PARN: variants seen among roughly 807,000 people sequenced by gnomAD.
The protein encoded by PARN is poly(A)-specific ribonuclease PARN.
A neutral mutation model predicts 102.8 loss-of-function variants in PARN; 71 were observed. The observed-to-expected ratio is 0.69, with a 90% CI of 0.57 to 0.84. PARN has a LOEUF of 0.84. Ranked by LOEUF, PARN falls within the 40% of genes least tolerant of loss-of-function variation. The probability of loss-of-function intolerance (pLI) is 0.00; values close to 1 mark genes in which losing one functional copy is unlikely to be tolerated. For synonymous variants in PARN, 261 were observed against 252.9 expected (o/e 1.03, Z -0.30); for missense variants, 782 against 760.9 (o/e 1.03, Z -0.33).
intron 20 of PARN, among the ~76,000 whole-genome samples, chr16:14,553,111 TA>T (rs987499660): frequency 6.7e-6 from 1 of 148,486 alleles, no homozygotes; most frequent in Non-Finnish European, 1.5e-5. Context: ...AATATCAATT[TA>T]AAAAAAAAGA....
chr16:14,523,862 T>C (rs561830204), intron 21 of PARN, among the ~76,000 whole-genome samples: 1 of 152,158 alleles, frequency 6.6e-6, no homozygotes, highest in South Asian at 2.1e-4. Flanking sequence ...AATGCATTGC[T>C]GTGTGAACAC....
chr16:14,605,722 G>A (rs1254526682), intron 10 of PARN, among the ~76,000 whole-genome samples: 1 of 152,048 alleles, frequency 6.6e-6, no homozygotes, highest in African/African-American at 2.4e-5. Context: ...AAAAACTGCA[G>A]AAGGAACCCA....
At chr16:14,498,372 C>T (rs2151620868) in intron 21 of PARN, among the ~76,000 whole-genome samples, 1 of 152,180 alleles carries the variant, frequency 6.6e-6, no homozygotes, top group South Asian at 2.1e-4. Context: ...GTAAATGGGA[C>T]AATTTTGTCT....
At chr16:14,482,908 A>C in intron 21 of PARN, 81 bp from the exon 22 acceptor site, 1 of 1,179,856 alleles carries the variant, frequency 8.5e-7, no homozygotes, top group South Asian at 1.6e-5. Flanking sequence ...AATGTGGCCT[A>C]AGGTGGTCAA....
At chr16:14,498,608 C>T (rs953109658) in intron 21 of PARN, among the ~76,000 whole-genome samples, 10 of 152,080 alleles carry the variant, frequency 6.6e-5, no homozygotes, top group African/African-American at 2.4e-4. Context: ...AATGCCAACA[C>T]CACCTCCTTG....
intron 21 of PARN, among the ~76,000 whole-genome samples, chr16:14,485,259 A>T (rs1028218086): frequency 6.6e-6 from 1 of 152,182 alleles, no homozygotes; most frequent in Non-Finnish European, 1.5e-5. Context: ...TGAAAATCTT[A>T]TTCCTTGGAA....
At chr16:14,560,379 G>A (rs913968580) in intron 18 of PARN, among the ~76,000 whole-genome samples, 4 of 152,344 alleles carry the variant, frequency 2.6e-5, no homozygotes, top group African/African-American at 9.6e-5. Flanking sequence ...CCTCAAGACT[G>A]CGTGCGGGTA....
In PARN at chr16:14,583,017, T is replaced by TA. The variant is rs1298530517; in HGVS notation, c.1082-727dup. Among the ~76,000 whole-genome samples the TA allele has an allele frequency of 4.6e-5, 7 of 152,246 alleles. 1 individual carries two copies. The highest frequency in any genetic ancestry group is 1.7e-4 in the African/African-American group (7 of 41,564). On this transcript the variant is annotated intron_variant, in intron 16 of 23. Coordinates refer to ENST00000437198, the MANE Select transcript of PARN (RefSeq NM_002582.4). ...CTGTCCTCTACTATGTTCCCAAGCTTAGAGATCGAAAGGTGACAGCACAAC... is the reference window on the plus strand; with the variant it reads ...CTGTCCTCTACTATGTTCCCAAGCTTAAGAGATCGAAAGGTGACAGCACAAC...
intron 22 of PARN, among the ~76,000 whole-genome samples, chr16:14,450,222 T>C (rs1179562079): frequency 6.6e-6 from 1 of 152,228 alleles, no homozygotes; most frequent in Non-Finnish European, 1.5e-5. Context: ...GAACAACTTA[T>C]GAAGCTGGTA....
intron 21 of PARN, among the ~76,000 whole-genome samples, chr16:14,520,412 A>G (rs1965677048): frequency 6.6e-6 from 1 of 152,184 alleles, no homozygotes; most frequent in African/African-American, 2.4e-5. Flanking sequence ...GAGCAATACT[A>G]ATATTGTACC....
chr16:14,628,338 C>A, intron 2 of PARN, 87 bp from the exon 3 acceptor site: 2 of 732,418 alleles, frequency 2.7e-6, no homozygotes, highest in South Asian at 3.3e-5. Context: ...TCTATAATGT[C>A]GTATCACGAA....
intron 16 of PARN, 44 bp downstream of exon 16, chr16:14,584,303 A>C: frequency 7.6e-7 from 1 of 1,317,402 alleles, no homozygotes; most frequent in Non-Finnish European, 1.1e-6. Context: ...TACATCAATA[A>C]TTATTACAAA....
At chr16:14,463,116 G>A (rs555477684) in intron 22 of PARN, among the ~76,000 whole-genome samples, 5 of 152,290 alleles carry the variant, frequency 3.3e-5, no homozygotes, top group Non-Finnish European at 7.4e-5. Flanking sequence ...TGAGAACAAC[G>A]CCTGTTCCCA....
At chr16:14,459,512 CAAAG>C (rs1961852562) in intron 22 of PARN, among the ~76,000 whole-genome samples, 1 of 151,998 alleles carries the variant, frequency 6.6e-6, no homozygotes, top group African/African-American at 2.4e-5. Flanking sequence ...TGAGAGAAAT[CAAAG>C]AAAGCCCAAG....
chr16:14,619,670 A>G (rs1449225397), intron 5 of PARN, among the ~76,000 whole-genome samples: 1 of 151,942 alleles, frequency 6.6e-6, no homozygotes, highest in Non-Finnish European at 1.5e-5. Flanking sequence ...CTGAGGTGGG[A>G]GAATCAGAAA....
chr16:14,547,867 C>T (rs978337567), intron 21 of PARN, among the ~76,000 whole-genome samples: 9 of 152,082 alleles, frequency 5.9e-5, no homozygotes, highest in African/African-American at 2.2e-4. Flanking sequence ...TATAAATAGG[C>T]ATTTAATGAT....
chr16:14,541,937 T>C (rs966742888), intron 21 of PARN, among the ~76,000 whole-genome samples: 1 of 152,198 alleles, frequency 6.6e-6, no homozygotes, highest in Non-Finnish European at 1.5e-5. Context: ...ACATGACCCA[T>C]TCTCAAGGGA....
At position 14,629,690 on chromosome 16, in the gene PARN, A is replaced by C. The variant is rs1333926333; in HGVS notation, c.20-16T>G. On this transcript the variant is annotated splice_polypyrimidine_tract_variant and intron_variant, in intron 1 of 23. Transcript: ENST00000437198. ...CTCTTAAAATCTGCGGAGAAACCGA[A>C]AAGAGGCTCAGAACCAGTGGCCTGA... 3 of 1,589,874 alleles carry C rather than the reference A, an allele frequency of 1.9e-6. No individual in the cohort carries two copies. In the East Asian group the frequency reaches 6.7e-5, roughly 35 times the overall value.
intron 6 of PARN, among the ~76,000 whole-genome samples, chr16:14,616,425 C>G (rs561168676): frequency 6.6e-6 from 1 of 152,324 alleles, no homozygotes; most frequent in South Asian, 2.1e-4. Flanking sequence ...CCATAAGAAA[C>G]TAAGAAACTG....
Sources: allele counts gnomAD v4.1 joint callset (sites outside exome capture counted in the v4.1 genomes callset), GRCh38; gene constraint gnomAD v4.1.1; transcripts MANE v1.5; gene names NCBI Gene and HGNC (gene_info 2026-07-23, HGNC 2026-07-21).